The following SMAP2 variants were observed in gnomAD, a reference collection of about 807,000 sequenced individuals.
The protein encoded by SMAP2 is stromal membrane-associated protein 2.
SMAP2 carries 25 observed loss-of-function variants against 56.4 expected under a neutral mutation model. The observed-to-expected ratio is 0.44, with a 90% CI of 0.32 to 0.62. The LOEUF is 0.62. SMAP2 is among the 20% of genes least tolerant of loss of function. The pLI, the probability that SMAP2 is intolerant of heterozygous loss-of-function variation, is 0.04. For missense variants in SMAP2, 388 were observed against 545.6 expected, an observed-to-expected ratio of 0.71 and a Z score of 2.88; for synonymous variants, 157 against 181.7, an observed-to-expected ratio of 0.86 and a Z score of 1.09.
chr1:40,420,101 A>G (rs1339895097), intron 9 of SMAP2, among the ~76,000 whole-genome samples: 1 of 152,216 alleles, frequency 6.6e-6, no homozygotes, highest in Non-Finnish European at 1.5e-5. Context: ...TTTCAAATTT[A>G]TCAAAAGTTA....
chr1:40,413,093 G>A lies in SMAP2; in HGVS notation c.480G>A (p.Lys160=), dbSNP rs1644953132. 1.9e-6 allele frequency: 3 copies of A among 1,613,348 alleles called. No individual in the cohort carries two copies. The highest frequency in any genetic ancestry group is 2.2e-5 in the East Asian group (1 of 44,892). Residue 160 remains lysine, a synonymous_variant, in exon 5 of 10, where the codon AAG becomes AAA. Coordinates refer to ENST00000372718, the MANE Select transcript of SMAP2 (RefSeq NM_022733.3). The part of the protein sequence containing the change: ...EKKLEPVVFE[K]VKMPQKKEDP... ...AATTGGAACCTGTTGTTTTTGAGAA[G>A]GTGAAAATGGTAAGTTGGGAAGTAT...
chr1:40,405,459 C>T (rs377054969), intron 1 of SMAP2, among the ~76,000 whole-genome samples: 1 of 152,164 alleles, frequency 6.6e-6, no homozygotes, highest in African/African-American at 2.4e-5. Context: ...ACAGCACTCC[C>T]TGTCCGGGTG....
At chr1:40,362,234 G>T (rs1357252493) in intron 1 of SMAP2, 2 of 152,182 alleles carry the variant, frequency 1.3e-5, no homozygotes, top group Non-Finnish European at 2.9e-5. Flanking sequence ...TAAATAACTC[G>T]ACTTCTCTCT....
chr1:40,354,028 T>C (rs765137810), intron 1 of SMAP2, among the ~76,000 whole-genome samples: 2 of 152,166 alleles, frequency 1.3e-5, no homozygotes, highest in Non-Finnish European at 2.9e-5. Context: ...GCCTGGGTGT[T>C]GATGGCCTTG....
intron 2 of SMAP2, among the ~76,000 whole-genome samples, chr1:40,364,521 T>A (rs1239819633): frequency 4.6e-5 from 7 of 152,122 alleles, no homozygotes. Flanking sequence ...GGCAGGAGGA[T>A]CGCTTGATTC....
rs552039938 is a variant in SMAP2, at chr1:40,422,357, T to C, written c.*256T>C. The stretch of plus-strand genomic sequence containing the variant: ...CTCCTGGCACCAGCACCTTAGAAGT[T>C]GTTGGCAGAAGGCACTTAAACTGTG... On this transcript the variant is annotated 3_prime_UTR_variant, in exon 10 of 10. Transcript: ENST00000372718. The C allele has an allele frequency of 2.3e-6, 1 of 440,524 alleles. No individual in the cohort carries two copies. Among genetic ancestry groups the C allele is most frequent in the Non-Finnish European group, 4.2e-6 (1 of 237,432 alleles). The allele number at this position is 440,524 out of a possible 1,614,324, so 27.3% of individuals were successfully genotyped here.
chr1:40,391,185 A>G (rs1233028328), intron 1 of SMAP2, among the ~76,000 whole-genome samples: 2 of 152,188 alleles, frequency 1.3e-5, no homozygotes, highest in Non-Finnish European at 2.9e-5. Flanking sequence ...GTTGGGAGCC[A>G]TTGGTCTAGA....
intron 1 of SMAP2, among the ~76,000 whole-genome samples, chr1:40,381,469 CA>C: frequency 6.6e-6 from 1 of 152,228 alleles, no homozygotes; most frequent in African/African-American, 2.4e-5. Context: ...ATGACTTTGC[CA>C]AGCTAATTTA....
chr1:40,418,711 C>T (rs1349537929), intron 9 of SMAP2, among the ~76,000 whole-genome samples: 2 of 152,214 alleles, frequency 1.3e-5, no homozygotes, highest in Non-Finnish European at 2.9e-5. Flanking sequence ...TGACATCAGA[C>T]TTCCTAGCAG....
chr1:40,374,150 T>C lies in SMAP2; in HGVS notation c.30T>C (p.Asp10=), dbSNP rs966061020. ...CAGGCAAGTCGGTGAAGGACGTGGA[T>C]CGGTACCAGGCTGTCCTGGCCAACC... The part of the protein sequence containing the change: MTGKSVKDV[D]RYQAVLANLL... Residue 10 remains aspartate (D), a synonymous_variant, in exon 1 of 10, where the codon GAT becomes GAC. Transcript: ENST00000372718. This position sits in a 1 kb window ranked among gnomAD's most constrained non-coding sequence, Gnocchi z 5.9. 6 of 1,613,380 alleles carry C rather than the reference T, an allele frequency of 3.7e-6. No individual in the cohort carries two copies. Among genetic ancestry groups the C allele is most frequent in the South Asian group, 2.2e-5 (2 of 90,930 alleles).
At position 40,374,900 on chromosome 1, in the gene SMAP2, T is replaced by G. The variant is rs568573708; in HGVS notation, c.103+677T>G. 1.9e-4 allele frequency: 192 copies of G among 985,328 alleles called. No individual in the cohort carries two copies. The African/African-American group carries it at 3.1e-3, about 16-fold the overall frequency. The allele number at this position is 985,328 out of a possible 1,614,324, so 61.0% of individuals were successfully genotyped here. A position where few individuals can be genotyped will look rare whatever the true frequency, so the allele number is the denominator to read the frequency against. ...TTGTAGAGTGCGTTGGAGGCCTATG[T>G]ATGAGTGGTGGCAGAAACTAGCCGA... On this transcript the variant is annotated intron_variant, in intron 1 of 9. Coordinates refer to ENST00000372718, the MANE Select transcript of SMAP2 (RefSeq NM_022733.3). The surrounding 1 kb of genome is among the most constrained non-coding windows in gnomAD (Gnocchi z 5.9).
At chr1:40,396,313 C>T (rs1194108415) in intron 1 of SMAP2, among the ~76,000 whole-genome samples, 3 of 152,178 alleles carry the variant, frequency 2.0e-5, no homozygotes, top group Non-Finnish European at 4.4e-5. Flanking sequence ...TGGTACGTAA[C>T]TGACTCAGCA....
intron 1 of SMAP2, among the ~76,000 whole-genome samples, chr1:40,346,558 T>G (rs1371535452): frequency 6.6e-6 from 1 of 151,908 alleles, no homozygotes; most frequent in Admixed American, 6.6e-5. Flanking sequence ...TTTGTAGCCA[T>G]GGGGTCTTGC....
chr1:40,370,955 A>G (rs1644493764), upstream of SMAP2, among the ~76,000 whole-genome samples: 1 of 152,192 alleles, frequency 6.6e-6, no homozygotes, highest in South Asian at 2.1e-4. Flanking sequence ...TGGGCGGGTC[A>G]CGAGGTCAGG....
At chr1:40,399,231 G>A (rs568504454) in intron 1 of SMAP2, among the ~76,000 whole-genome samples, 4 of 150,898 alleles carry the variant, frequency 2.7e-5, no homozygotes, top group African/African-American at 9.7e-5. Context: ...TGCAACCTCC[G>A]CCTCCTGGGC....
intron 1 of SMAP2, among the ~76,000 whole-genome samples, chr1:40,389,657 C>A (rs1205607659): frequency 6.6e-6 from 1 of 152,246 alleles, no homozygotes; most frequent in African/African-American, 2.4e-5. Flanking sequence ...AATCCTCTGC[C>A]CTCTCAGTAG....
chr1:40,404,866 A>T (rs964044992), intron 1 of SMAP2, among the ~76,000 whole-genome samples: 1 of 152,208 alleles, frequency 6.6e-6, no homozygotes, highest in Admixed American at 6.5e-5. Context: ...CACATGAAAC[A>T]AGTGTGCGAA....
At chr1:40,415,144 G>A (rs1644974535) in intron 6 of SMAP2, 128 bp from the exon 7 acceptor site, 8 of 718,820 alleles carry the variant, frequency 1.1e-5, no homozygotes, top group Non-Finnish European at 1.9e-5. Flanking sequence ...GTCCATGCTA[G>A]ATGGTTCCAG....
rs1644910054 is a variant in SMAP2, at chr1:40,408,874, T to C, written c.323+136T>C. 3 of 648,842 alleles carry C rather than the reference T, an allele frequency of 4.6e-6. No homozygotes were observed. The highest frequency in any genetic ancestry group is 8.1e-6 in the Non-Finnish European group (3 of 369,070). The allele number at this position is 648,842 out of a possible 1,614,324, so 40.2% of individuals were successfully genotyped here. On this transcript the variant is annotated intron_variant, in intron 3 of 9. Transcript: ENST00000372718. The surrounding 1 kb of genome is among the most constrained non-coding windows in gnomAD (Gnocchi z 4.3). ...CAGTGTCCTTGCTTGTCCTCTGTCC[T>C]GCAATCAAGGTGCACAAAAAGCACA...
Sources: gnomAD v4.1 joint callset for allele counts (sites outside exome capture counted in the v4.1 genomes callset) on GRCh38, gnomAD v4.1.1 for gene constraint, Gnocchi (gnomAD v3.1) non-coding constraint, MANE v1.5 for transcripts, NCBI Gene and HGNC (gene_info 2026-07-23, HGNC 2026-07-21) for gene names.